Variants in PELP1 observed in about 807,000 individuals in gnomAD.
PELP1 encodes the protein proline, glutamate and leucine rich protein 1, also known as proline-, glutamic acid- and leucine-rich protein 1.
In PELP1, 32 loss-of-function variants were observed where a neutral mutation model predicts 95.5. The ratio of observed to expected loss-of-function variants is 0.34; its 90% CI spans 0.25 to 0.45. The LOEUF is 0.45. Among genes scored for constraint, PELP1 ranks in the 20% least tolerant of loss-of-function variants. The pLI, the probability that PELP1 is intolerant of heterozygous loss-of-function variation, is 1.00. For missense variants in PELP1, 1,358 were observed against 1,444.8 expected, an observed-to-expected ratio of 0.94 and a Z score of 0.97; for synonymous variants, 668 against 600.1, an observed-to-expected ratio of 1.11 and a Z score of -1.65.
chr17:4,672,722 C>G lies in PELP1; in HGVS notation c.2269G>C (p.Gly757Arg). ...AAGGCTGGTCTGGGCACTCTCCCCC[C>G]AAAAGTTTCATCTGGGGGTATAGTA... ...PPTIPPDETF[G>R]GRVPRPAFVH... is the part of the protein sequence containing the mutation. Residue 757 changes from glycine (G) to arginine (R), a missense_variant, in exon 16 of 17, where the codon GGG becomes CGG. Physicochemically the swap from Gly to Arg is moderately radical, Grantham distance 125. This residue lies in a region of PELP1 where 340 missense variants were observed against 322.9 expected (regional missense o/e 1.05). Coordinates refer to ENST00000572293, the MANE Select transcript of PELP1 (RefSeq NM_014389.3). The G allele has an allele frequency of 3.7e-6, 6 of 1,613,386 alleles. No homozygotes were observed. Among genetic ancestry groups the G allele is most frequent in the Non-Finnish European group, 5.1e-6 (6 of 1,179,680 alleles).
chr17:4,671,804 T>C lies in PELP1; in HGVS notation c.3187A>G (p.Thr1063Ala), dbSNP rs1427015142. Residue 1063 changes from threonine to alanine, a missense_variant, in exon 16 of 17, where the codon ACC (threonine) becomes GCC (alanine). Thr to Ala is a moderately conservative substitution (Grantham distance 58). This residue lies in a region of PELP1 where 283 missense variants were observed against 284.1 expected (regional missense o/e 1.00). Coordinates refer to ENST00000572293, the MANE Select transcript of PELP1 (RefSeq NM_014389.3). ...LVEEEPSAPP[T>A]LLEEETEDGS... Reference sequence around the variant, plus strand: ...TCCTCAGTCTCCTCTTCCAACAGGGTTGGGGGAGCAGAGGGCTCTTCTTCA... The same window carrying C: ...TCCTCAGTCTCCTCTTCCAACAGGGCTGGGGGAGCAGAGGGCTCTTCTTCA... The C allele has an allele frequency of 7.3e-6, 11 of 1,515,240 alleles. No individual in the cohort carries two copies. The highest frequency in any genetic ancestry group is 1.4e-5 in the African/African-American group (1 of 71,488). The allele number at this position is 1,515,240 out of a possible 1,614,324, so 93.9% of individuals were successfully genotyped here.
Position 4,671,932 on chromosome 17 carries a change from G to T in PELP1, c.3059C>A (p.Ala1020Asp). ...AGGGGCCAGGGTGGGAGCTGTGTCA[G>T]CCCCACGCTCCTCCTCCGTCCCTGG... ...EEPGTEEERG[A>D]DTAPTLAPEA... Residue 1020 changes from alanine (A) to aspartate (D), a missense_variant, in exon 16 of 17, where the codon GCT (alanine) becomes GAT (aspartate). This residue lies in a region of PELP1 where 283 missense variants were observed against 284.1 expected (regional missense o/e 1.00). Transcript: ENST00000572293. The T allele has an allele frequency of 1.3e-6, 2 of 1,522,962 alleles. No homozygotes were observed. The highest frequency in any genetic ancestry group is 1.8e-6 in the Non-Finnish European group (2 of 1,140,426). 94.3% of individuals were successfully genotyped at this position (1,522,962 alleles called of 1,614,324 possible). A position where few individuals can be genotyped will look rare whatever the true frequency, so the allele number is the denominator to read the frequency against.
At position 4,676,124 on chromosome 17, in the gene PELP1, G is replaced by T; in HGVS notation, c.892C>A (p.Leu298Met). ...TGGGCATCACCATCTTCTGAGGACA[G>T]CAGCATCTCCACCCCAGGGCCTTCA... ...QNEGPGVEML[L>M]SSEDGDAHVL... The change falls in exon 8 of 17, where the codon CTG becomes ATG. Residue 298 changes from leucine (L) to methionine (M), a missense_variant. By Grantham distance (15) the Leu-to-Met change is conservative. This residue lies in a region of PELP1 where 538 missense variants were observed against 628.1 expected (regional missense o/e 0.86). Transcript: ENST00000572293. The T allele has an allele frequency of 6.2e-7, 1 of 1,613,978 alleles. No homozygotes were observed. Among genetic ancestry groups the T allele is most frequent in the Non-Finnish European group, 8.5e-7 (1 of 1,179,872 alleles).
intron 3 of PELP1, among the ~76,000 whole-genome samples, chr17:4,685,357 T>C (rs1912868827): frequency 6.6e-6 from 1 of 152,136 alleles, no homozygotes; most frequent in Admixed American, 6.6e-5. Flanking sequence ...CCTGTCTCAG[T>C]CTCCTTAGTC....
At chr17:4,680,085 C>T (rs1912635412) in intron 5 of PELP1, among the ~76,000 whole-genome samples, 1 of 152,190 alleles carries the variant, frequency 6.6e-6, no homozygotes, top group Non-Finnish European at 1.5e-5. Flanking sequence ...TCACTTAAGT[C>T]CCTCTCAGCT....
At chr17:4,691,193 T>C (rs958543073) in intron 2 of PELP1, 185 bp downstream of exon 2, 8 of 641,336 alleles carry the variant, frequency 1.2e-5, no homozygotes, top group Non-Finnish European at 1.7e-5. Flanking sequence ...GAATAGGACA[T>C]CTGGGAGCTG....
Position 4,670,072 on chromosome 17 carries a change from T to C in PELP1, c.*1367A>G, listed in dbSNP as rs1258115900. On this transcript the variant is annotated 3_prime_UTR_variant, in exon 17 of 17. Coordinates refer to ENST00000572293, the MANE Select transcript of PELP1 (RefSeq NM_014389.3). ...TTATAGGGATAAGAGTTAACATGACTAAATGTTAATTGGCAAATCTAGGCA... is the reference window on the plus strand; with the variant it reads ...TTATAGGGATAAGAGTTAACATGACCAAATGTTAATTGGCAAATCTAGGCA... 3 of 152,218 alleles carry C rather than the reference T, an allele frequency of 2.0e-5. No individual in the cohort carries two copies. Among genetic ancestry groups the C allele is most frequent in the Non-Finnish European group, 2.9e-5 (2 of 68,046 alleles). 9.4% of individuals were successfully genotyped at this position (152,218 alleles called of 1,614,324 possible).
intron 7 of PELP1, 57 bp from the exon 8 acceptor site, chr17:4,676,219 T>C: frequency 6.2e-7 from 1 of 1,600,894 alleles, no homozygotes. Flanking sequence ...TCCTCTGTCA[T>C]TTCTGGTGGA....
At chr17:4,693,030 T>C (rs532881373) in intron 1 of PELP1, among the ~76,000 whole-genome samples, 1 of 152,256 alleles carries the variant, frequency 6.6e-6, no homozygotes, top group Non-Finnish European at 1.5e-5. Context: ...AAAAGCCATT[T>C]AGCAGAGACC....
intron 7 of PELP1, 87 bp downstream of exon 7, chr17:4,676,270 C>A: frequency 6.3e-7 from 1 of 1,576,636 alleles, no homozygotes; most frequent in South Asian, 1.1e-5. Context: ...CAAAAACCAA[C>A]TGCCCCATGT....
intron 1 of PELP1, among the ~76,000 whole-genome samples, chr17:4,698,346 T>C (rs1291307544): frequency 2.0e-5 from 3 of 151,420 alleles, no homozygotes; most frequent in Non-Finnish European, 4.4e-5. Flanking sequence ...AAAGAGACAT[T>C]ATAACTAAAA....
At chr17:4,677,956 C>G (rs571523586) in intron 5 of PELP1, among the ~76,000 whole-genome samples, 3 of 151,676 alleles carry the variant, frequency 2.0e-5, no homozygotes, top group Admixed American at 6.6e-5. Context: ...TGGCTCATAC[C>G]TGTAATCCCA....
rs535219015 is a variant in PELP1 at position 4,674,803 on chromosome 17, C to T, written c.1422+6G>A. 9 of 1,607,538 alleles carry T rather than the reference C, an allele frequency of 5.6e-6. No homozygotes were observed. The highest frequency in any genetic ancestry group is 1.3e-5 in the African/African-American group (1 of 74,938). On this transcript the variant is annotated splice_donor_region_variant and intron_variant, in intron 12 of 16. Coordinates refer to ENST00000572293, the MANE Select transcript of PELP1 (RefSeq NM_014389.3). ...GAGTCCTAAGGCGGAGCTGAGGCCT[C>T]CTCACCTTAAGGGCATCAGCTGGCG...
In PELP1 at chr17:4,682,933, G is replaced by A; in HGVS notation, c.440C>T (p.Thr147Ile). Residue 147 changes from threonine (T) to isoleucine (I), a missense_variant, in exon 4 of 17, where the codon ACA becomes ATA. This residue lies in a region of PELP1 where 538 missense variants were observed against 628.1 expected (regional missense o/e 0.86). Coordinates refer to ENST00000572293, the MANE Select transcript of PELP1 (RefSeq NM_014389.3). ...CAGGACAGCCACGGCCAGCTCCATT[G>A]TGGCAGGCGGGTCCTGGGTCTAAAG... is the stretch of plus-strand genomic sequence containing the variant. The part of the protein sequence containing the change: ...QVLQTQDPPA[T>I]MELAVAVLRD... 1 of 1,516,768 alleles carries A rather than the reference G, an allele frequency of 6.6e-7. No individual in the cohort carries two copies. Among genetic ancestry groups the A allele is most frequent in the South Asian group, 1.3e-5 (1 of 76,554 alleles). The allele number at this position is 1,516,768 out of a possible 1,614,324, so 94.0% of individuals were successfully genotyped here.
chr17:4,694,444 G>A (rs1416001277), intron 1 of PELP1, among the ~76,000 whole-genome samples: 1 of 147,050 alleles, frequency 6.8e-6, no homozygotes, highest in Admixed American at 6.9e-5. Flanking sequence ...CTGAGGTCAG[G>A]GGTTTGAGAC....
chr17:4,675,236 C>T lies in PELP1; in HGVS notation c.1157+38G>A, dbSNP rs951439328. The stretch of plus-strand genomic sequence containing the variant: ...AATGGTGACCCTCGTTTCTGGCACG[C>T]CCTATCCCTTCACCACAGCCAGCCC... On this transcript the variant is annotated intron_variant, in intron 10 of 16. Transcript: ENST00000572293. This position sits in a 1 kb window ranked among gnomAD's most constrained non-coding sequence, Gnocchi z 4.3. 6 of 1,599,674 alleles carry T rather than the reference C, an allele frequency of 3.8e-6. No homozygotes were observed. The African/African-American group carries it at 5.4e-5, about 14-fold the overall frequency.
Position 4,673,449 on chromosome 17 carries a change from T to A in PELP1, c.1646A>T (p.His549Leu). The A allele has an allele frequency of 6.3e-7, 1 of 1,589,750 alleles. No individual in the cohort carries two copies. Among genetic ancestry groups the A allele is most frequent in the Non-Finnish European group, 8.6e-7 (1 of 1,168,310 alleles). Reference sequence around the variant, plus strand: ...CATGACCAGGGGGAGGACCAGGTCATGCAGTCTCTGAAAAGGACAGAGCAC... The same window carrying A: ...CATGACCAGGGGGAGGACCAGGTCAAGCAGTCTCTGAAAAGGACAGAGCAC... ...LIKEETHRRL[H>L]DLVLPLVMGV... The change falls in exon 15 of 17, where the codon CAT becomes CTT. Residue 549 changes from histidine (H) to leucine (L), a missense_variant. Physicochemically the swap from His to Leu is moderately conservative, Grantham distance 99. Around this residue, in one of 7 missense-constraint regions of PELP1, gnomAD observed 538 missense variants for 628.1 expected, o/e 0.86. Coordinates refer to ENST00000572293, the MANE Select transcript of PELP1 (RefSeq NM_014389.3). The surrounding 1 kb of genome is among the most constrained non-coding windows in gnomAD (Gnocchi z 5.7).
chr17:4,690,946 G>C lies in PELP1; in HGVS notation c.362C>G (p.Thr121Arg). The C allele has an allele frequency of 6.2e-7, 1 of 1,613,896 alleles. No individual in the cohort carries two copies. Among genetic ancestry groups the C allele is most frequent in the South Asian group, 1.1e-5 (1 of 91,080 alleles). ...LLSLLVGESP[T>R]ELFQQHCVSW... The stretch of plus-strand genomic sequence containing the variant: ...CACACAGTGCTGCTGGAATAGCTCT[G>C]TGGGGCTCTCCCCTACCAGCAGGGA... Residue 121 changes from threonine to arginine, a missense_variant, in exon 3 of 17, where the codon ACA becomes AGA. Thr to Arg is a moderately conservative substitution (Grantham distance 71). Coordinates refer to ENST00000572293, the MANE Select transcript of PELP1 (RefSeq NM_014389.3).
intron 5 of PELP1, 24 bp from the exon 6 acceptor site, chr17:4,676,836 G>A (rs1405065351): frequency 4.5e-6 from 7 of 1,542,156 alleles, no homozygotes; most frequent in African/African-American, 1.4e-5. Context: ...AAAAAAGGAA[G>A]AGGCCAGTGA....
Sources: gnomAD v4.1 joint callset for allele counts (sites outside exome capture counted in the v4.1 genomes callset) on GRCh38, gnomAD v4.1.1 for gene constraint, gnomAD v4.1.1 regional missense constraint, Gnocchi (gnomAD v3.1) non-coding constraint, MANE v1.5 for transcripts, NCBI Gene and HGNC (gene_info 2026-07-23, HGNC 2026-07-21) for gene names.